Variants in CDH12 observed in about 807,000 individuals in gnomAD.
CDH12 encodes cadherin 12, also known as cadherin-12.
CDH12 carries 41 observed loss-of-function variants against 74.1 expected under a neutral mutation model. The ratio of observed to expected loss-of-function variants is 0.55; its 90% confidence interval spans 0.43 to 0.72. The LOEUF (loss-of-function observed/expected upper bound fraction) is 0.72, where lower values mean the gene tolerates loss of function less well. Among genes scored for constraint, CDH12 ranks in the 30% least tolerant of loss-of-function variants. CDH12 has a pLI of 0.00. For missense variants in CDH12, 945 were observed against 977.2 expected (o/e 0.97, Z 0.44); for synonymous variants, 399 against 355.0 (o/e 1.12, Z -1.39).
At chr5:21,844,265 C>G (rs138688031) in intron 7 of CDH12, among the ~76,000 whole-genome samples, 2 of 151,878 alleles carry the variant, frequency 1.3e-5, no homozygotes, top group African/African-American at 4.8e-5. Context: ...TGAAAAAGTT[C>G]TTCTCCCACC....
In CDH12 at chr5:22,130,961, CTTT is replaced by C. The variant is rs945205261; in HGVS notation, c.-186-52102_-186-52100del. Among the ~76,000 whole-genome samples, 31 of 151,904 alleles carry C rather than the reference CTTT, an allele frequency of 2.0e-4. 1 individual carries two copies. The highest frequency in any genetic ancestry group is 1.5e-3 in the South Asian group (7 of 4,808). ...ATGTGCATTATTTTGTTTCTGTCTT[CTTT>C]ATCTCAGCATCTTGTTTTTTGAAAT... On this transcript the variant is annotated intron_variant, in intron 4 of 14. Coordinates refer to ENST00000382254, the MANE Select transcript of CDH12 (RefSeq NM_004061.5).
chr5:22,739,561 G>A (rs1020776723), intron 1 of CDH12, among the ~76,000 whole-genome samples: 2 of 151,982 alleles, frequency 1.3e-5, no homozygotes, highest in Non-Finnish European at 2.9e-5. Flanking sequence ...TTGTTGTTTT[G>A]TAAGAACACT....
chr5:22,105,445 C>A (rs549827321), intron 4 of CDH12, among the ~76,000 whole-genome samples: 3 of 150,068 alleles, frequency 2.0e-5, no homozygotes, highest in Admixed American at 2.0e-4. Flanking sequence ...AGCCTGTAAT[C>A]CCAGCACTTT....
At chr5:22,778,198 C>T (rs990957599) in intron 1 of CDH12, among the ~76,000 whole-genome samples, 13 of 152,120 alleles carry the variant, frequency 8.5e-5, no homozygotes, top group African/African-American at 3.1e-4. Context: ...TGTTTTCATT[C>T]AGTTTGTTGT....
At chr5:22,655,667 A>G (rs767262843) in intron 1 of CDH12, among the ~76,000 whole-genome samples, 10 of 152,188 alleles carry the variant, frequency 6.6e-5, no homozygotes, top group Admixed American at 1.3e-4. Context: ...CTGGAGGACA[A>G]TGAATGCCCT....
intron 1 of CDH12, among the ~76,000 whole-genome samples, chr5:22,643,733 CTTTTTTT>C (rs762944279): frequency 2.1e-4 from 11 of 51,202 alleles, no homozygotes; most frequent in African/African-American, 4.0e-4. Context: ...TTTAAGGTAT[CTTTTTTT>C]TTTTTTTTTT....
chr5:21,853,515 G>A (rs559431006), intron 7 of CDH12, among the ~76,000 whole-genome samples: 118 of 151,758 alleles, frequency 7.8e-4, no homozygotes, highest in African/African-American at 2.7e-3. Flanking sequence ...AAGAAATTAA[G>A]AGAGAATGGC....
At chr5:21,906,359 T>A (rs542148246) in intron 6 of CDH12, among the ~76,000 whole-genome samples, 2 of 152,316 alleles carry the variant, frequency 1.3e-5, no homozygotes, top group East Asian at 3.9e-4. Context: ...TCTGATATAC[T>A]GAGATTTGAC....
intron 2 of CDH12, among the ~76,000 whole-genome samples, chr5:22,444,244 GCA>G (rs1006783994): frequency 7.2e-5 from 11 of 151,782 alleles, no homozygotes; most frequent in Admixed American, 1.3e-4. Flanking sequence ...GAATATACAT[GCA>G]CACACACACA....
At chr5:22,420,658 G>A (rs1207260490) in intron 2 of CDH12, among the ~76,000 whole-genome samples, 1 of 151,854 alleles carries the variant, frequency 6.6e-6, no homozygotes, top group African/African-American at 2.4e-5. Flanking sequence ...TATACAGGCT[G>A]ATTTTTTGAA....
At chr5:22,650,397 C>A (rs573305201) in intron 1 of CDH12, among the ~76,000 whole-genome samples, 1 of 151,986 alleles carries the variant, frequency 6.6e-6, no homozygotes, top group Non-Finnish European at 1.5e-5. Flanking sequence ...TATAAACAAA[C>A]AATAAAGCAG....
chr5:21,855,228 A>C (rs2150001324), intron 6 of CDH12, among the ~76,000 whole-genome samples: 1 of 151,906 alleles, frequency 6.6e-6, no homozygotes, highest in South Asian at 2.1e-4. Flanking sequence ...TTTAAAAATT[A>C]ACAACTACCT....
intron 1 of CDH12, among the ~76,000 whole-genome samples, chr5:22,684,332 T>C (rs1419618071): frequency 5.3e-5 from 8 of 152,200 alleles, no homozygotes; most frequent in Non-Finnish European, 1.2e-4. Flanking sequence ...CTTTAAGTTA[T>C]TTTATAATAT....
At chr5:22,563,733 T>C (rs929750341) in intron 1 of CDH12, among the ~76,000 whole-genome samples, 3 of 152,188 alleles carry the variant, frequency 2.0e-5, no homozygotes, top group Admixed American at 6.5e-5. Context: ...AAGAGGTTCA[T>C]TGGACTCATG....
chr5:21,751,906 T>C lies in CDH12; in HGVS notation c.2216A>G (p.Tyr739Cys). 6.2e-7 allele frequency: 1 copy of C among 1,614,076 alleles called. No homozygotes were observed. Among genetic ancestry groups the C allele is most frequent in the Non-Finnish European group, 8.5e-7 (1 of 1,180,002 alleles). The change falls in exon 15 of 15, where the codon TAT (tyrosine) becomes TGT (cysteine). Residue 739 changes from tyrosine to cysteine, a missense_variant. Tyr to Cys is a radical substitution (Grantham distance 194). Coordinates refer to ENST00000382254, the MANE Select transcript of CDH12 (RefSeq NM_004061.5). ...CACGGACCCACTCCCTTCGTAGGCATATGTGGCCAGTGAATCGTATGGTGG... is the reference window on the plus strand; with the variant it reads ...CACGGACCCACTCCCTTCGTAGGCACATGTGGCCAGTGAATCGTATGGTGG... ...TAPPYDSLAT[Y>C]AYEGSGSVAE... is the part of the protein sequence containing the mutation.
At chr5:21,958,593 C>A (rs6872116) in intron 6 of CDH12, among the ~76,000 whole-genome samples, 24,072 of 151,880 alleles carry the variant, frequency 0.16, 2,176 homozygotes, top group African/African-American at 0.24. Flanking sequence ...TATTGATGAT[C>A]AGATAATCAT....
At chr5:22,826,688 A>G (rs1324941606) in intron 1 of CDH12, among the ~76,000 whole-genome samples, 1 of 152,132 alleles carries the variant, frequency 6.6e-6, no homozygotes, top group Non-Finnish European at 1.5e-5. Context: ...GGTAACTTTT[A>G]CTATGTTTTA....
chr5:22,514,452 C>A (rs1344645094), intron 1 of CDH12, among the ~76,000 whole-genome samples: 1 of 151,678 alleles, frequency 6.6e-6, no homozygotes, highest in East Asian at 1.9e-4. Flanking sequence ...GAAGCTGGCA[C>A]AGGTTGAAGG....
At chr5:21,934,276 C>A (rs1199749550) in intron 6 of CDH12, among the ~76,000 whole-genome samples, 1 of 152,094 alleles carries the variant, frequency 6.6e-6, no homozygotes, top group East Asian at 1.9e-4. Flanking sequence ...CAGCACCATC[C>A]CCCTTTGGTA....
Sources: allele counts gnomAD v4.1 joint callset (sites outside exome capture counted in the v4.1 genomes callset), GRCh38; gene constraint gnomAD v4.1.1; transcripts MANE v1.5; gene names NCBI Gene and HGNC (gene_info 2026-07-23, HGNC 2026-07-21).